EFNA5: variants seen among roughly 807,000 people sequenced by gnomAD.
EFNA5 encodes the protein ephrin-A5.
A neutral mutation model predicts 22.9 loss-of-function variants in EFNA5; 5 were observed. That is an observed-to-expected ratio of 0.22 (90% CI 0.11 to 0.46). The LOEUF is 0.46. Ranked by LOEUF, EFNA5 falls within the 20% of genes least tolerant of loss-of-function variation. The pLI is 0.99. For synonymous variants in EFNA5, 113 were observed against 112.2 expected (o/e 1.01, Z -0.04); for missense variants, 237 against 293.3 (o/e 0.81, Z 1.40).
At chr5:107,398,679 T>C (rs1178424488) in intron 2 of EFNA5, among the ~76,000 whole-genome samples, 1 of 151,594 alleles carries the variant, frequency 6.6e-6, no homozygotes, top group African/African-American at 2.4e-5. Context: ...AGACCCTGTC[T>C]CTATATAAAA....
chr5:107,577,461 A>T (rs752933758), intron 1 of EFNA5, among the ~76,000 whole-genome samples: 1 of 152,144 alleles, frequency 6.6e-6, no homozygotes, highest in Admixed American at 6.5e-5. Flanking sequence ...TTCAGCAATA[A>T]GGGTTAAGAT....
At chr5:107,451,837 C>T (rs1194872091) in intron 1 of EFNA5, among the ~76,000 whole-genome samples, 1 of 152,036 alleles carries the variant, frequency 6.6e-6, no homozygotes, top group African/African-American at 2.4e-5. Flanking sequence ...GGACCTGGAA[C>T]CAGAAATACC....
intron 1 of EFNA5, among the ~76,000 whole-genome samples, chr5:107,628,326 AAAAT>A (rs1750181002): frequency 6.6e-6 from 1 of 152,186 alleles, no homozygotes; most frequent in Non-Finnish European, 1.5e-5. Flanking sequence ...TTTAATTTTA[AAAAT>A]AAATAGGCTT....
intron 1 of EFNA5, among the ~76,000 whole-genome samples, chr5:107,605,431 A>T (rs1749692564): frequency 6.6e-6 from 1 of 152,158 alleles, no homozygotes; most frequent in African/African-American, 2.4e-5. Flanking sequence ...AGAAAATTGC[A>T]CTGTTAGCAG....
intron 1 of EFNA5, among the ~76,000 whole-genome samples, chr5:107,569,367 GTATA>G (rs377698812): frequency 3.1e-5 from 4 of 127,868 alleles, no homozygotes; most frequent in Admixed American, 2.3e-4. Context: ...ATATATACGT[GTATA>G]TATATATATA....
chr5:107,618,605 T>G (rs1381575958), intron 1 of EFNA5, among the ~76,000 whole-genome samples: 1 of 152,218 alleles, frequency 6.6e-6, no homozygotes, highest in African/African-American at 2.4e-5. Flanking sequence ...CCTGACAGTT[T>G]TAGCACACCA....
At chr5:107,436,979 A>C (rs1561385753) in intron 1 of EFNA5, among the ~76,000 whole-genome samples, 1 of 152,182 alleles carries the variant, frequency 6.6e-6, no homozygotes, top group Non-Finnish European at 1.5e-5. Flanking sequence ...TCAAGGAGAG[A>C]TTTTTGGAAA....
At chr5:107,663,685 C>T (rs932244174) in intron 1 of EFNA5, among the ~76,000 whole-genome samples, 2 of 152,130 alleles carry the variant, frequency 1.3e-5, no homozygotes, top group Admixed American at 1.3e-4. Context: ...AGGAACTTTA[C>T]TGTTAGACGA....
chr5:107,381,949 T>C (rs1055190435), intron 4 of EFNA5, among the ~76,000 whole-genome samples: 1 of 152,214 alleles, frequency 6.6e-6, no homozygotes, highest in Non-Finnish European at 1.5e-5. Flanking sequence ...CTAGTAAACT[T>C]CAATAAACGT....
chr5:107,427,113 T>C, intron 2 of EFNA5, 104 bp downstream of exon 2: 2 of 1,215,988 alleles, frequency 1.6e-6, no homozygotes, highest in Non-Finnish European at 2.4e-6. Flanking sequence ...AGGAGATATC[T>C]GTAATGCAGA....
At chr5:107,420,541 G>GAAAAAAAAAAAAAAAAAA (rs796180925) in intron 2 of EFNA5, among the ~76,000 whole-genome samples, 1 of 114,660 alleles carries the variant, frequency 8.7e-6, no homozygotes, top group Non-Finnish European at 1.9e-5. Flanking sequence ...AAAAAAAAAA[G>GAAAAAAAAAAAAAAAAAA]AAAAAAAAAA....
intron 1 of EFNA5, among the ~76,000 whole-genome samples, chr5:107,629,575 T>C (rs1280078935): frequency 2.6e-5 from 4 of 152,152 alleles, no homozygotes; most frequent in African/African-American, 9.7e-5. Context: ...GGGATGTTGA[T>C]AATGGGAGAA....
At chr5:107,456,822 T>C (rs1213367184) in intron 1 of EFNA5, among the ~76,000 whole-genome samples, 2 of 152,114 alleles carry the variant, frequency 1.3e-5, no homozygotes, top group Admixed American at 6.6e-5. Flanking sequence ...GGAAATCTGA[T>C]GTTTGGGGTC....
chr5:107,666,682 A>G (rs553652573), intron 1 of EFNA5, among the ~76,000 whole-genome samples: 3 of 152,132 alleles, frequency 2.0e-5, no homozygotes, highest in Non-Finnish European at 4.4e-5. Flanking sequence ...TGTGTTGGTC[A>G]TATTTGCTGC....
At chr5:107,456,116 G>A (rs17159988) in intron 1 of EFNA5, among the ~76,000 whole-genome samples, 2,450 of 152,216 alleles carry the variant, frequency 0.016, 63 homozygotes, top group African/African-American at 0.056. Context: ...AATGGTTACA[G>A]GTCCATATTC....
chr5:107,508,521 C>T (rs1201425776), intron 1 of EFNA5, among the ~76,000 whole-genome samples: 1 of 152,152 alleles, frequency 6.6e-6, no homozygotes, highest in Non-Finnish European at 1.5e-5. Context: ...TGTGTTACAC[C>T]AACCTTGAAG....
intron 1 of EFNA5, among the ~76,000 whole-genome samples, chr5:107,531,941 A>G (rs541008465): frequency 1.1e-4 from 17 of 152,324 alleles, no homozygotes; most frequent in African/African-American, 4.1e-4. Flanking sequence ...GGTAAATAGG[A>G]GAGAAATAAA....
chr5:107,481,786 G>A (rs1017553243), intron 1 of EFNA5, among the ~76,000 whole-genome samples: 2 of 150,678 alleles, frequency 1.3e-5, no homozygotes, highest in African/African-American at 4.9e-5. Flanking sequence ...GGAGGCAGAG[G>A]TTGCAGTGAG....
chr5:107,595,425 T>G (rs1283380878), intron 1 of EFNA5, among the ~76,000 whole-genome samples: 1 of 152,140 alleles, frequency 6.6e-6, no homozygotes, highest in African/African-American at 2.4e-5. Flanking sequence ...CTTCACCCTA[T>G]CCTATAAAGC....
Sources: gnomAD v4.1 joint callset for allele counts (sites outside exome capture counted in the v4.1 genomes callset) on GRCh38, gnomAD v4.1.1 for gene constraint, MANE v1.5 for transcripts, NCBI Gene and HGNC (gene_info 2026-07-23, HGNC 2026-07-21) for gene names.